ST6GALNAC3: variants seen among roughly 807,000 people sequenced by gnomAD.
ST6GALNAC3 encodes the protein alpha-N-acetylgalactosaminide alpha-2,6-sialyltransferase 3.
Under a neutral mutation model 32.7 loss-of-function variants are expected in ST6GALNAC3, and 25 were observed. The observed-to-expected ratio is 0.76, with a 90% CI of 0.56 to 1.07. The LOEUF (loss-of-function observed/expected upper bound fraction) is 1.07. Ranked by LOEUF, ST6GALNAC3 falls within the 50% of genes least tolerant of loss-of-function variation. ST6GALNAC3 has a pLI of 0.00. For missense variants in ST6GALNAC3, 355 were observed against 382.4 expected (o/e 0.93, Z 0.60); for synonymous variants, 129 against 133.1 (o/e 0.97, Z 0.21).
At position 76,481,995 on chromosome 1, in the gene ST6GALNAC3, G is replaced by A. The variant is rs192231062; in HGVS notation, c.623+69578G>A. Among the ~76,000 whole-genome samples, 305 of 152,202 alleles carry A rather than the reference G, an allele frequency of 2.0e-3. 1 individual carries two copies. The highest frequency in any genetic ancestry group is 6.9e-3 in the African/African-American group (286 of 41,526). On this transcript the variant is annotated intron_variant, in intron 3 of 4. Transcript: ENST00000328299. ...ACCCAAAAACCAAGTTCTGTGGCAAGTTTCACATTTCAAAATCAAGCTGCT... is the reference window on the plus strand; with the variant it reads ...ACCCAAAAACCAAGTTCTGTGGCAAATTTCACATTTCAAAATCAAGCTGCT...
chr1:76,585,173 T>A (rs906238417), intron 3 of ST6GALNAC3, among the ~76,000 whole-genome samples: 1 of 151,982 alleles, frequency 6.6e-6, no homozygotes, highest in African/African-American at 2.4e-5. Context: ...TCACCTGAGG[T>A]CAGGAGTTCG....
At chr1:76,204,920 T>G (rs1027933686) in intron 1 of ST6GALNAC3, among the ~76,000 whole-genome samples, 1 of 152,182 alleles carries the variant, frequency 6.6e-6, no homozygotes, top group African/African-American at 2.4e-5. Context: ...TTTCGCAGAC[T>G]TAGATGAATT....
At chr1:76,230,089 G>A (rs1367650026) in intron 1 of ST6GALNAC3, among the ~76,000 whole-genome samples, 1 of 152,148 alleles carries the variant, frequency 6.6e-6, no homozygotes, top group Non-Finnish European at 1.5e-5. Context: ...TCATACTTTT[G>A]TTTCTGCTGA....
chr1:76,427,765 T>C (rs377273342), intron 3 of ST6GALNAC3, among the ~76,000 whole-genome samples: 1 of 152,086 alleles, frequency 6.6e-6, no homozygotes, highest in East Asian at 1.9e-4. Flanking sequence ...CCCATTGCAG[T>C]TGGGGGAGAC....
intron 1 of ST6GALNAC3, among the ~76,000 whole-genome samples, chr1:76,088,239 A>G (rs1646990125): frequency 6.6e-6 from 1 of 152,194 alleles, no homozygotes; most frequent in Admixed American, 6.5e-5. Flanking sequence ...CATCTATAAC[A>G]GATGCGCCTA....
At chr1:76,441,837 C>A (rs1318407953) in intron 3 of ST6GALNAC3, among the ~76,000 whole-genome samples, 1 of 152,136 alleles carries the variant, frequency 6.6e-6, no homozygotes, top group Non-Finnish European at 1.5e-5. Context: ...ACATTAGCAG[C>A]AAATCTGGTT....
chr1:76,421,549 C>T (rs1434232207), intron 3 of ST6GALNAC3, among the ~76,000 whole-genome samples: 2 of 151,946 alleles, frequency 1.3e-5, no homozygotes, highest in South Asian at 2.1e-4. Context: ...ATAAGCACCA[C>T]CACAGAAGTC....
downstream of ST6GALNAC3, among the ~76,000 whole-genome samples, chr1:76,635,758 G>A (rs767439646): frequency 6.6e-6 from 1 of 152,124 alleles, no homozygotes; most frequent in Non-Finnish European, 1.5e-5. Flanking sequence ...CCCTCCTTGA[G>A]GTCCTTTGAG....
intron 1 of ST6GALNAC3, among the ~76,000 whole-genome samples, chr1:76,195,977 G>A (rs1284671113): frequency 6.6e-6 from 1 of 152,190 alleles, no homozygotes; most frequent in Non-Finnish European, 1.5e-5. Context: ...AGATTATGAG[G>A]TGATTTCTCT....
At chr1:76,577,282 T>C (rs899459977) in intron 3 of ST6GALNAC3, 2 of 989,866 alleles carry the variant, frequency 2.0e-6, no homozygotes, top group African/African-American at 3.5e-5. Flanking sequence ...TCCAAGGGAA[T>C]TGTTTTGTAG....
chr1:76,194,629 A>G (rs942932892), intron 1 of ST6GALNAC3, among the ~76,000 whole-genome samples: 1 of 152,198 alleles, frequency 6.6e-6, no homozygotes, highest in African/African-American at 2.4e-5. Context: ...AGACATAGAT[A>G]TGGATTCTCA....
At chr1:76,336,244 AT>A (rs1647462893) in intron 2 of ST6GALNAC3, among the ~76,000 whole-genome samples, 1 of 152,182 alleles carries the variant, frequency 6.6e-6, no homozygotes, top group Non-Finnish European at 1.5e-5. Context: ...ATTTTTTGGC[AT>A]TATTTCAATT....
At chr1:76,381,989 A>G (rs145996594) in intron 2 of ST6GALNAC3, among the ~76,000 whole-genome samples, 14 of 152,298 alleles carry the variant, frequency 9.2e-5, no homozygotes, top group African/African-American at 1.7e-4. Context: ...AACTGAAGAG[A>G]CAGAAATTGT....
At chr1:76,101,468 C>T (rs894690744) in intron 1 of ST6GALNAC3, among the ~76,000 whole-genome samples, 5 of 152,216 alleles carry the variant, frequency 3.3e-5, no homozygotes, top group African/African-American at 9.6e-5. Context: ...TTTCTGTATT[C>T]GTAAACACAG....
chr1:76,380,733 AT>A (rs1172373615), intron 2 of ST6GALNAC3, among the ~76,000 whole-genome samples: 4 of 152,184 alleles, frequency 2.6e-5, no homozygotes, highest in Non-Finnish European at 5.9e-5. Context: ...GGAGTGTTAC[AT>A]GTATTTAGCA....
At chr1:76,291,711 T>C in intron 1 of ST6GALNAC3, among the ~76,000 whole-genome samples, 1 of 151,992 alleles carries the variant, frequency 6.6e-6, no homozygotes, top group Non-Finnish European at 1.5e-5. Context: ...ATTGTTCCTA[T>C]GTTCAATTTG....
At chr1:76,325,183 T>A (rs1647044870) in intron 2 of ST6GALNAC3, among the ~76,000 whole-genome samples, 1 of 152,210 alleles carries the variant, frequency 6.6e-6, no homozygotes, top group Non-Finnish European at 1.5e-5. Context: ...ATTGAAAAAA[T>A]TTGAAATATA....
In ST6GALNAC3 at chr1:76,630,039, T is replaced by C; in HGVS notation, c.*1233T>C. 1.0e-6 allele frequency: 1 copy of C among 985,238 alleles called. No individual in the cohort carries two copies. The highest frequency in any genetic ancestry group is 1.2e-6 in the Non-Finnish European group (1 of 829,826). 61.0% of individuals were successfully genotyped at this position (985,238 alleles called of 1,614,324 possible). ...CTTTGTCATTTAGAGTCCTTTAACA[T>C]CTGTTATACCATGTGATGCCCTTGA... On this transcript the variant is annotated 3_prime_UTR_variant, in exon 5 of 5. Coordinates refer to ENST00000328299, the MANE Select transcript of ST6GALNAC3 (RefSeq NM_152996.4).
chr1:76,456,465 T>C (rs906241192), intron 3 of ST6GALNAC3, among the ~76,000 whole-genome samples: 2 of 152,102 alleles, frequency 1.3e-5, no homozygotes, highest in African/African-American at 4.8e-5. Flanking sequence ...TGCCTCAGTG[T>C]CCTGAGTAGC....
Sources: gnomAD v4.1 joint callset for allele counts (sites outside exome capture counted in the v4.1 genomes callset) on GRCh38, gnomAD v4.1.1 for gene constraint, MANE v1.5 for transcripts, NCBI Gene and HGNC (gene_info 2026-07-23, HGNC 2026-07-21) for gene names.